The following DLGAP1 variants were observed in gnomAD, a reference collection of about 807,000 sequenced individuals.
DLGAP1 encodes DLG associated protein 1, also known as disks large-associated protein 1.
A neutral mutation model predicts 90.8 loss-of-function variants in DLGAP1; 11 were observed. That is an observed-to-expected ratio of 0.12 (90% CI 0.08 to 0.20). DLGAP1 has a LOEUF of 0.20. DLGAP1 is among the 10% of genes least tolerant of loss of function. The pLI, the probability that DLGAP1 is intolerant of heterozygous loss-of-function variation, is 1.00. For missense variants in DLGAP1, 1,050 were observed against 1,333.8 expected (o/e 0.79, Z 3.31); for synonymous variants, 558 against 540.7 (o/e 1.03, Z -0.44).
chr18:4,142,320 T>G (rs1238202072), intron 2 of DLGAP1, among the ~76,000 whole-genome samples: 1 of 152,188 alleles, frequency 6.6e-6, no homozygotes, highest in East Asian at 1.9e-4. Context: ...CCAATATTAG[T>G]AATAATGGCC....
At chr18:3,965,506 G>C (rs1050968500) in intron 3 of DLGAP1, among the ~76,000 whole-genome samples, 6 of 152,156 alleles carry the variant, frequency 3.9e-5, no homozygotes, top group Admixed American at 1.3e-4. Context: ...CCATTATCTA[G>C]ATACTGGAGT....
At chr18:3,932,730 T>C (rs1161987646) in intron 3 of DLGAP1, among the ~76,000 whole-genome samples, 1 of 152,216 alleles carries the variant, frequency 6.6e-6, no homozygotes, top group East Asian at 1.9e-4. Context: ...ACTCATTCCA[T>C]GTCCATTTGA....
At position 4,330,345 on chromosome 18, in the gene DLGAP1, C is replaced by T. The variant is rs545105305; in HGVS notation, c.-267+124661G>A. On this transcript the variant is annotated intron_variant, in intron 1 of 12. Transcript: ENST00000315677. ...TTCTTTAAATTTATTTTTTACTGTT[C>T]TTCTGTTTCTATTTAATTACGTCCT... 1.4e-3 allele frequency among the ~76,000 whole-genome samples: 216 copies of T among 151,548 alleles called. 6 individuals carry two copies. The highest frequency in any genetic ancestry group is 5.1e-3 in the African/African-American group (209 of 41,170).
At chr18:4,213,162 T>C (rs2144903877) in intron 1 of DLGAP1, among the ~76,000 whole-genome samples, 1 of 152,294 alleles carries the variant, frequency 6.6e-6, no homozygotes, top group South Asian at 2.1e-4. Flanking sequence ...TTGAAGCAGA[T>C]GCCAAAGCAA....
intron 1 of DLGAP1, among the ~76,000 whole-genome samples, chr18:4,449,422 A>C (rs550232339): frequency 4.8e-4 from 73 of 152,320 alleles, no homozygotes; most frequent in African/African-American, 1.7e-3. Context: ...AGGTATTAAC[A>C]GAGTAAACTT....
chr18:3,629,589 G>A (rs1217113884), intron 7 of DLGAP1, among the ~76,000 whole-genome samples: 1 of 151,798 alleles, frequency 6.6e-6, no homozygotes, highest in South Asian at 2.1e-4. Flanking sequence ...GGAGAATGGC[G>A]TGAACCCGGG....
At chr18:3,974,277 T>C (rs1197505404) in intron 3 of DLGAP1, among the ~76,000 whole-genome samples, 2 of 152,088 alleles carry the variant, frequency 1.3e-5, no homozygotes, top group African/African-American at 4.8e-5. Flanking sequence ...GGTTTCACCA[T>C]GTTGGCCAGG....
intron 2 of DLGAP1, among the ~76,000 whole-genome samples, chr18:4,100,128 C>T (rs2075756733): frequency 6.6e-6 from 1 of 152,146 alleles, no homozygotes; most frequent in African/African-American, 2.4e-5. Context: ...TCTTAATGGA[C>T]CTTGACAAAA....
At chr18:3,866,864 T>TG (rs2070418249) in intron 4 of DLGAP1, among the ~76,000 whole-genome samples, 3 of 152,170 alleles carry the variant, frequency 2.0e-5, no homozygotes, top group Non-Finnish European at 4.4e-5. Context: ...TTATATATAT[T>TG]TTTTGAGACA....
chr18:3,745,648 G>C (rs1253406474), intron 5 of DLGAP1, among the ~76,000 whole-genome samples: 1 of 152,218 alleles, frequency 6.6e-6, no homozygotes, highest in Admixed American at 6.5e-5. Flanking sequence ...AAAACAAGGG[G>C]AGGAATGCCC....
rs184082910 is a variant in DLGAP1 at position 3,632,027 on chromosome 18, G to A, written c.1592-49779C>T. 7.9e-5 allele frequency among the ~76,000 whole-genome samples: 12 copies of A among 152,098 alleles called. 1 individual carries two copies. The South Asian group carries it at 2.1e-3, about 26-fold the overall frequency. ...CTGGCTCAAGTGATCCTCCCACCTCGGCTTCCCCAAGAGATGGGGTTACAG... is the reference window on the plus strand; with the variant it reads ...CTGGCTCAAGTGATCCTCCCACCTCAGCTTCCCCAAGAGATGGGGTTACAG... On this transcript the variant is annotated intron_variant, in intron 7 of 12. Transcript: ENST00000315677.
chr18:3,783,776 A>G (rs1463965224), intron 5 of DLGAP1, among the ~76,000 whole-genome samples: 1 of 152,198 alleles, frequency 6.6e-6, no homozygotes, highest in African/African-American at 2.4e-5. Flanking sequence ...TATGTGCATT[A>G]TATCTAAATA....
chr18:3,891,603 G>GTC (rs2071460100), intron 3 of DLGAP1, among the ~76,000 whole-genome samples: 1 of 152,076 alleles, frequency 6.6e-6, no homozygotes, highest in Non-Finnish European at 1.5e-5. Flanking sequence ...AAATGGAATG[G>GTC]TCTCTGCCTC....
intron 1 of DLGAP1, among the ~76,000 whole-genome samples, chr18:4,432,810 A>T (rs2144764466): frequency 6.6e-6 from 1 of 152,198 alleles, no homozygotes; most frequent in East Asian, 1.9e-4. Flanking sequence ...ATATTCTTAT[A>T]ATTCTATAAA....
intron 4 of DLGAP1, among the ~76,000 whole-genome samples, chr18:3,862,905 G>A (rs1481228745): frequency 3.3e-5 from 5 of 152,248 alleles, no homozygotes; most frequent in Non-Finnish European, 5.9e-5. Flanking sequence ...TCCCTGCCCC[G>A]CTTTGGGCAC....
chr18:4,408,002 T>TCCATACA (rs2082700507), intron 1 of DLGAP1, among the ~76,000 whole-genome samples: 3 of 152,106 alleles, frequency 2.0e-5, no homozygotes, highest in Admixed American at 6.5e-5. Context: ...AACGTGAGTT[T>TCCATACA]TGTCAAAGAA....
intron 9 of DLGAP1, among the ~76,000 whole-genome samples, chr18:3,538,851 C>T (rs1452844813): frequency 6.6e-6 from 1 of 152,204 alleles, no homozygotes; most frequent in East Asian, 1.9e-4. Flanking sequence ...TTTATCTACA[C>T]AGAACTGTAC....
intron 1 of DLGAP1, among the ~76,000 whole-genome samples, chr18:4,401,665 T>G (rs2082557461): frequency 6.6e-6 from 1 of 152,188 alleles, no homozygotes; most frequent in South Asian, 2.1e-4. Context: ...AAATGTAGGT[T>G]GAACTTTTAA....
intron 1 of DLGAP1, among the ~76,000 whole-genome samples, chr18:4,406,333 T>G (rs2082664708): frequency 6.6e-6 from 1 of 152,156 alleles, no homozygotes; most frequent in South Asian, 2.1e-4. Flanking sequence ...GCATGGAAAC[T>G]TGGGGTTTTC....
Sources: gnomAD v4.1 joint callset for allele counts (sites outside exome capture counted in the v4.1 genomes callset) on GRCh38, gnomAD v4.1.1 for gene constraint, MANE v1.5 for transcripts, NCBI Gene and HGNC (gene_info 2026-07-23, HGNC 2026-07-21) for gene names.